ANKFN1: variants seen among roughly 807,000 people sequenced by gnomAD.
ANKFN1 encodes ankyrin repeat and fibronectin type-III domain-containing protein 1.
Under a neutral mutation model 108.7 loss-of-function variants are expected in ANKFN1, and 74 were observed. The ratio of observed to expected loss-of-function variants is 0.68; its 90% confidence interval spans 0.56 to 0.83. ANKFN1 has a LOEUF of 0.83. Among genes scored for constraint, ANKFN1 ranks in the 40% least tolerant of loss-of-function variants. ANKFN1 has a pLI of 0.00. For synonymous variants in ANKFN1, 547 were observed against 516.2 expected, an observed-to-expected ratio of 1.06 and a Z score of -0.81; for missense variants, 1,505 against 1,382.3, an observed-to-expected ratio of 1.09 and a Z score of -1.41.
At chr17:56,399,925 AG>A (rs1299084868) in intron 8 of ANKFN1, among the ~76,000 whole-genome samples, 5 of 146,848 alleles carry the variant, frequency 3.4e-5, no homozygotes, top group Admixed American at 6.8e-5. Flanking sequence ...TATTATATAT[AG>A]TGATATATAT....
chr17:56,492,749 C>G (rs1214466025), intron 19 of ANKFN1, among the ~76,000 whole-genome samples: 2 of 152,076 alleles, frequency 1.3e-5, no homozygotes, highest in African/African-American at 2.4e-5. Flanking sequence ...AAATGACCTA[C>G]CAGTTTATGT....
intron 2 of ANKFN1, among the ~76,000 whole-genome samples, chr17:56,213,773 C>G (rs1031729744): frequency 6.6e-6 from 1 of 152,202 alleles, no homozygotes; most frequent in African/African-American, 2.4e-5. Flanking sequence ...ACCCCAAAAG[C>G]TGTTCTTAAA....
intron 18 of ANKFN1, among the ~76,000 whole-genome samples, chr17:56,488,813 T>G (rs2050936853): frequency 6.6e-6 from 1 of 152,222 alleles, no homozygotes; most frequent in Non-Finnish European, 1.5e-5. Context: ...GAGTTAGATA[T>G]CCTTAGGAAG....
chr17:56,159,771 TTTTG>T (rs1269572980), intron 1 of ANKFN1, among the ~76,000 whole-genome samples: 1 of 152,212 alleles, frequency 6.6e-6, no homozygotes, highest in African/African-American at 2.4e-5. Context: ...CGGGTTGTAT[TTTTG>T]TTTGTTGGAC....
At chr17:56,112,721 C>T (rs1252356069) in intron 4 of ANKFN1, among the ~76,000 whole-genome samples, 4 of 152,120 alleles carry the variant, frequency 2.6e-5, no homozygotes, top group Non-Finnish European at 5.9e-5. Context: ...AAGAATATGT[C>T]GTGGAGAACT....
At chr17:56,491,026 C>T (rs2051021001) in intron 18 of ANKFN1, among the ~76,000 whole-genome samples, 1 of 152,102 alleles carries the variant, frequency 6.6e-6, no homozygotes, top group African/African-American at 2.4e-5. Context: ...AGGGCTTCCT[C>T]ATTGAGGTGT....
chr17:56,242,700 A>G (rs551744179), intron 3 of ANKFN1, among the ~76,000 whole-genome samples: 6 of 152,138 alleles, frequency 3.9e-5, no homozygotes, highest in African/African-American at 1.2e-4. Context: ...TCTTTAATTC[A>G]TGTTGAATAC....
chr17:56,223,488 G>T (rs1916032998), intron 2 of ANKFN1, among the ~76,000 whole-genome samples: 2 of 152,194 alleles, frequency 1.3e-5, no homozygotes, highest in South Asian at 4.2e-4. Flanking sequence ...GTTCACCAAG[G>T]CCTCAGCAAA....
chr17:56,482,990 G>A (rs1437187505), intron 18 of ANKFN1, among the ~76,000 whole-genome samples: 3 of 151,772 alleles, frequency 2.0e-5, no homozygotes, highest in African/African-American at 7.3e-5. Context: ...AAATTTAAAT[G>A]TAGAGTGCAT....
chr17:56,388,352 G>C (rs1295663285), intron 8 of ANKFN1, among the ~76,000 whole-genome samples: 1 of 151,934 alleles, frequency 6.6e-6, no homozygotes, highest in Non-Finnish European at 1.5e-5. Flanking sequence ...GGCTGGTCTC[G>C]AACTTCTGAC....
chr17:56,163,322 T>TA (rs1909855772), intron 1 of ANKFN1, among the ~76,000 whole-genome samples: 1 of 152,128 alleles, frequency 6.6e-6, no homozygotes, highest in African/African-American at 2.4e-5. Flanking sequence ...CCACTACGCA[T>TA]ACAGATTTTC....
chr17:56,222,796 T>C (rs1915980481), intron 2 of ANKFN1, among the ~76,000 whole-genome samples: 1 of 152,158 alleles, frequency 6.6e-6, no homozygotes, highest in Admixed American at 6.5e-5. Context: ...TCTTGAAGAG[T>C]GATTTGCACA....
chr17:56,147,902 A>G (rs1455617099), intron 4 of ANKFN1, among the ~76,000 whole-genome samples: 3 of 152,154 alleles, frequency 2.0e-5, no homozygotes, highest in Non-Finnish European at 2.9e-5. Flanking sequence ...TTGCCACTTT[A>G]ATAAGGGTGG....
At chr17:56,105,053 T>C (rs909364429) in intron 4 of ANKFN1, among the ~76,000 whole-genome samples, 3 of 152,106 alleles carry the variant, frequency 2.0e-5, no homozygotes, top group Non-Finnish European at 2.9e-5. Context: ...AGTTTAAGAA[T>C]AGAGCATATA....
chr17:56,392,547 A>G (rs2047471934), intron 8 of ANKFN1, among the ~76,000 whole-genome samples: 1 of 152,186 alleles, frequency 6.6e-6, no homozygotes, highest in Non-Finnish European at 1.5e-5. Flanking sequence ...TCTGGCTTGT[A>G]TCATTCATTT....
At position 56,506,412 on chromosome 17, in the gene ANKFN1, A is replaced by G. The variant is rs148814740; in HGVS notation, c.2645-4061A>G. Among the ~76,000 whole-genome samples, 1,161 of 152,280 alleles carry G rather than the reference A, an allele frequency of 7.6e-3. 4 individuals are homozygous for G. The highest frequency in any genetic ancestry group is 0.011 in the Non-Finnish European group (758 of 68,026). ...AAGGCACAGACACAGAAGAGAGGCC[A>G]TGAGAAGTCAGAAGCAGAGATAGCA... is the stretch of plus-strand genomic sequence containing the variant. On this transcript the variant is annotated intron_variant, in intron 20 of 20. Transcript: ENST00000682825.
In ANKFN1 at chr17:56,220,868, AAGGG is replaced by A. The variant is rs1156696043; in HGVS notation, c.13-7029_13-7026del. Among the ~76,000 whole-genome samples, 48 of 19,704 alleles carry A rather than the reference AAGGG, an allele frequency of 2.4e-3. 1 individual carries two copies. Among genetic ancestry groups the A allele is most frequent in the Non-Finnish European group, 2.7e-3 (32 of 11,758 alleles). The allele number at this position is 19,704 out of a possible 152,430, so 12.9% of individuals were successfully genotyped here. On this transcript the variant is annotated intron_variant, in intron 2 of 20. Coordinates refer to ENST00000682825, the MANE Select transcript of ANKFN1 (RefSeq NM_001370326.1). ...GGAGGGAGGAAGGAAGGAAGGAAGGAAGGGAGGGAGGGAGGGAGGGAGGAAGGAA... is the reference window on the plus strand; with the variant it reads ...GGAGGGAGGAAGGAAGGAAGGAAGGAAGGGAGGGAGGGAGGGAGGAAGGAA...
intron 1 of ANKFN1, among the ~76,000 whole-genome samples, chr17:56,173,254 G>A (rs926356348): frequency 6.6e-6 from 1 of 152,092 alleles, no homozygotes; most frequent in African/African-American, 2.4e-5. Context: ...TTGCCACCTG[G>A]CGGTTGTCCA....
At chr17:56,167,272 TAC>T (rs1172481281) in intron 1 of ANKFN1, among the ~76,000 whole-genome samples, 3 of 26,576 alleles carry the variant, frequency 1.1e-4, no homozygotes, top group African/African-American at 2.3e-4. Context: ...TATATATATA[TAC>T]ATATATATAT....
Sources: gnomAD v4.1 joint callset for allele counts (sites outside exome capture counted in the v4.1 genomes callset) on GRCh38, gnomAD v4.1.1 for gene constraint, MANE v1.5 for transcripts, NCBI Gene and HGNC (gene_info 2026-07-23, HGNC 2026-07-21) for gene names.